Variants in PIGN observed in about 807,000 individuals in gnomAD.
The protein encoded by PIGN is GPI ethanolamine phosphate transferase 1.
A neutral mutation model predicts 125.4 loss-of-function variants in PIGN; 117 were observed. The ratio of observed to expected loss-of-function variants is 0.93; its 90% CI spans 0.80 to 1.09. The LOEUF (loss-of-function observed/expected upper bound fraction) is 1.09, where lower values mean the gene tolerates loss of function less well. PIGN is among the 50% of genes least tolerant of loss of function. The pLI is 0.00. For missense variants in PIGN, 1,075 were observed against 1,094.9 expected, an observed-to-expected ratio of 0.98 and a Z score of 0.26; for synonymous variants, 392 against 377.8, an observed-to-expected ratio of 1.04 and a Z score of -0.44.
chr18:62,091,151 A>C (rs898036391), intron 23 of PIGN, among the ~76,000 whole-genome samples: 2 of 152,140 alleles, frequency 1.3e-5, no homozygotes, highest in Non-Finnish European at 2.9e-5. Flanking sequence ...AGTCGAGACC[A>C]GTCTGGCCAG....
intron 23 of PIGN, among the ~76,000 whole-genome samples, chr18:62,032,823 C>T (rs1294386288): frequency 6.6e-6 from 1 of 152,172 alleles, no homozygotes; most frequent in Non-Finnish European, 1.5e-5. Flanking sequence ...GCATTTAAAA[C>T]AGCGTCTGGC....
intron 22 of PIGN, among the ~76,000 whole-genome samples, chr18:62,100,607 G>A (rs1162085632): frequency 2.6e-5 from 4 of 152,148 alleles, no homozygotes; most frequent in Non-Finnish European, 5.9e-5. Context: ...TCCTAATTAA[G>A]AGGACTACAT....
chr18:62,075,088 T>C (rs1014353452), intron 28 of PIGN: 1 of 282,702 alleles, frequency 3.5e-6, no homozygotes, highest in African/African-American at 2.2e-5. Flanking sequence ...AACTAAACTT[T>C]TGAGGTAATT....
chr18:62,071,864 A>ATATATATATATATATATGTG (rs1491451976), intron 30 of PIGN, among the ~76,000 whole-genome samples: 1 of 1,252 alleles, frequency 8.0e-4, no homozygotes, highest in African/African-American at 1.8e-3. Flanking sequence ...CTCCTTTTCC[A>ATATATATATATATATATGTG]TATATATATA....
chr18:62,135,151 C>T (rs1362103779), intron 14 of PIGN, among the ~76,000 whole-genome samples: 2 of 152,104 alleles, frequency 1.3e-5, no homozygotes, highest in Non-Finnish European at 2.9e-5. Context: ...ATTTTTAATG[C>T]ATCTAGTACC....
intron 23 of PIGN, among the ~76,000 whole-genome samples, chr18:62,020,973 A>C (rs1037636354): frequency 6.6e-6 from 1 of 151,972 alleles, no homozygotes; most frequent in Non-Finnish European, 1.5e-5. Flanking sequence ...AAAAAAAAAA[A>C]AAAAAATTTA....
chr18:62,034,059 A>G (rs574367767), intron 23 of PIGN, among the ~76,000 whole-genome samples: 37 of 152,204 alleles, frequency 2.4e-4, no homozygotes, highest in Non-Finnish European at 4.9e-4. Flanking sequence ...AAACTGCATT[A>G]TCAGTTTCTT....
Position 62,110,187 on chromosome 18 carries a change from C to T in PIGN, c.1435-214G>A, listed in dbSNP as rs553844462. 6.3e-5 allele frequency: 26 copies of T among 415,706 alleles called. No homozygotes were observed. The South Asian group carries it at 1.2e-3, about 19-fold the overall frequency. The allele number at this position is 415,706 out of a possible 1,614,324, so 25.8% of individuals were successfully genotyped here. A position where few individuals can be genotyped will look rare whatever the true frequency, so the allele number is the denominator to read the frequency against. Reference sequence around the variant, plus strand: ...AAACCTAGATAACCTGGAATTGCTGCAATTAAGCAATTCTCAACTTAAAAG... The same window carrying T: ...AAACCTAGATAACCTGGAATTGCTGTAATTAAGCAATTCTCAACTTAAAAG... On this transcript the variant is annotated intron_variant, in intron 16 of 30. Coordinates refer to ENST00000640252, the MANE Select transcript of PIGN (RefSeq NM_176787.5).
intron 14 of PIGN, among the ~76,000 whole-genome samples, chr18:62,121,112 G>A (rs2035286936): frequency 6.6e-6 from 1 of 152,160 alleles, no homozygotes; most frequent in African/African-American, 2.4e-5. Flanking sequence ...GAGGGCATTG[G>A]CAAGGGCATT....
chr18:62,093,765 T>C lies in PIGN; in HGVS notation c.2180+2083A>G, dbSNP rs142320875. Among the ~76,000 whole-genome samples the C allele has an allele frequency of 1.6e-3, 243 of 152,248 alleles. 1 individual carries two copies. The highest frequency in any genetic ancestry group is 5.5e-3 in the African/African-American group (227 of 41,570). On this transcript the variant is annotated intron_variant, in intron 23 of 30. Transcript: ENST00000640252. ...ATTTCTTTTAAATACTCTGTAATTC[T>C]GAATATTCACTAATTTACGTAGAGA...
intron 23 of PIGN, among the ~76,000 whole-genome samples, chr18:62,025,244 G>T (rs547839152): frequency 1.3e-4 from 20 of 152,274 alleles, no homozygotes; most frequent in African/African-American, 4.8e-4. Flanking sequence ...GTATCATGCT[G>T]TACATAGCCA....
Position 62,041,409 on chromosome 18 carries a change from T to C in PIGN, c.*4447A>G, listed in dbSNP as rs1475858755. The C allele has an allele frequency of 6.6e-6, 1 of 152,096 alleles. No individual in the cohort carries two copies. The highest frequency in any genetic ancestry group is 1.9e-4 in the East Asian group (1 of 5,194). The allele number at this position is 152,096 out of a possible 1,614,324, so 9.4% of individuals were successfully genotyped here. ...GTTAAAGTAAAAATGGTATTCCAGTTCTCAGGGAAAAAAATTCAATCAACA... is the reference window on the plus strand; with the variant it reads ...GTTAAAGTAAAAATGGTATTCCAGTCCTCAGGGAAAAAAATTCAATCAACA... On this transcript the variant is annotated 3_prime_UTR_variant, in exon 31 of 31. Coordinates refer to ENST00000640252, the MANE Select transcript of PIGN (RefSeq NM_176787.5).
At chr18:62,078,017 G>A (rs2033261198) in intron 28 of PIGN, among the ~76,000 whole-genome samples, 2 of 152,002 alleles carry the variant, frequency 1.3e-5, no homozygotes, top group South Asian at 4.2e-4. Context: ...ATTGGACTAG[G>A]GCCCACCCAT....
rs111357477 is a variant in PIGN at position 62,186,866 on chromosome 18, C to G, written c.-258G>C. ...TACCTGGAGCTTATCCCGGTCAGGCCTGATCTCGAAAACGAGGGCTCCTCA... is the reference window on the plus strand; with the variant it reads ...TACCTGGAGCTTATCCCGGTCAGGCGTGATCTCGAAAACGAGGGCTCCTCA... On this transcript the variant is annotated 5_prime_UTR_variant, in exon 1 of 31. Transcript: ENST00000640252. 6.6e-6 allele frequency: 1 copy of G among 152,320 alleles called. No homozygotes were observed. The highest frequency in any genetic ancestry group is 2.4e-5 in the African/African-American group (1 of 41,454). The allele number at this position is 152,320 out of a possible 1,614,324, so 9.4% of individuals were successfully genotyped here.
intron 8 of PIGN, among the ~76,000 whole-genome samples, 156 bp from the exon 9 acceptor site, chr18:62,147,257 A>AT: frequency 1.0e-5 from 1 of 99,346 alleles, no homozygotes; most frequent in South Asian, 3.6e-4. Context: ...TTGTTAAAAT[A>AT]ATTTTTTCTC....
downstream of PIGN, among the ~76,000 whole-genome samples, chr18:62,036,632 G>A (rs1283384089): frequency 6.6e-6 from 1 of 152,162 alleles, no homozygotes; most frequent in East Asian, 1.9e-4. Context: ...GCTGTCCACA[G>A]GGCTGGTTTC....
At chr18:62,106,110 G>A (rs2034628508) in intron 19 of PIGN, among the ~76,000 whole-genome samples, 1 of 152,102 alleles carries the variant, frequency 6.6e-6, no homozygotes, top group South Asian at 2.1e-4. Flanking sequence ...AAACAACTGA[G>A]CCCAGAAGGA....
At chr18:62,053,618 C>A (rs537618174) in intron 30 of PIGN, among the ~76,000 whole-genome samples, 1 of 152,088 alleles carries the variant, frequency 6.6e-6, no homozygotes, top group South Asian at 2.1e-4. Flanking sequence ...GCTGGAGTGG[C>A]TATATTAATA....
intron 28 of PIGN, among the ~76,000 whole-genome samples, chr18:62,079,717 G>GAA (rs139782575): frequency 2.9e-5 from 3 of 102,822 alleles, no homozygotes; most frequent in Admixed American, 9.4e-5. Context: ...AACTGTAGAA[G>GAA]AAAAAAAAAA....
Sources: allele counts gnomAD v4.1 joint callset (sites outside exome capture counted in the v4.1 genomes callset), GRCh38; gene constraint gnomAD v4.1.1; transcripts MANE v1.5; gene names NCBI Gene and HGNC (gene_info 2026-07-23, HGNC 2026-07-21).